TMEM132C: variants seen among roughly 807,000 people sequenced by gnomAD.
TMEM132C encodes protein phosphatase 1, regulatory subunit 152.
TMEM132C carries 29 observed loss-of-function variants against 61.4 expected under a neutral mutation model. That is an observed-to-expected ratio of 0.47 (90% confidence interval 0.35 to 0.64). The LOEUF (loss-of-function observed/expected upper bound fraction) is 0.64. TMEM132C is among the 30% of genes least tolerant of loss of function. The pLI, the probability that TMEM132C is intolerant of heterozygous loss-of-function variation, is 0.00. For synonymous variants in TMEM132C, 656 were observed against 633.1 expected, an observed-to-expected ratio of 1.04 and a Z score of -0.54; for missense variants, 1,408 against 1,476.9, an observed-to-expected ratio of 0.95 and a Z score of 0.76.
At chr12:128,396,023 C>T (rs1047189628) in intron 1 of TMEM132C, among the ~76,000 whole-genome samples, 1 of 152,102 alleles carries the variant, frequency 6.6e-6, no homozygotes, top group Non-Finnish European at 1.5e-5. Flanking sequence ...AGGCATGAAG[C>T]CCTTTAGTAG....
chr12:128,663,501 G>A (rs1954414780), intron 4 of TMEM132C, among the ~76,000 whole-genome samples: 1 of 152,150 alleles, frequency 6.6e-6, no homozygotes, highest in Admixed American at 6.5e-5. Context: ...AACCCTTGGG[G>A]GATATTCGAG....
intron 8 of TMEM132C, 112 bp from the exon 9 acceptor site, chr12:128,704,977 TG>T: frequency 8.4e-7 from 1 of 1,183,996 alleles, no homozygotes. Context: ...CATGAGCTAC[TG>T]GGTCTGGATT....
intron 3 of TMEM132C, among the ~76,000 whole-genome samples, chr12:128,577,664 T>C (rs548325868): frequency 6.6e-6 from 1 of 152,374 alleles, no homozygotes; most frequent in East Asian, 1.9e-4. Flanking sequence ...AGCTCTCCGC[T>C]CCAGCCTTGC....
At chr12:128,407,598 G>A (rs536810392) in intron 1 of TMEM132C, among the ~76,000 whole-genome samples, 3 of 152,126 alleles carry the variant, frequency 2.0e-5, no homozygotes, top group Admixed American at 1.3e-4. Context: ...AGCTGGGATC[G>A]CACCGCTCGC....
chr12:128,306,071 A>G (rs1254153809), intron 1 of TMEM132C, among the ~76,000 whole-genome samples: 1 of 152,192 alleles, frequency 6.6e-6, no homozygotes, highest in Non-Finnish European at 1.5e-5. Flanking sequence ...CACCAATGAC[A>G]CTAGATTTTA....
intron 1 of TMEM132C, among the ~76,000 whole-genome samples, chr12:128,351,592 G>GGAGGC (rs1873339130): frequency 6.6e-6 from 1 of 152,142 alleles, no homozygotes; most frequent in African/African-American, 2.4e-5. Context: ...CTGGATCTGG[G>GGAGGC]GAGGCCCTCA....
intron 4 of TMEM132C, among the ~76,000 whole-genome samples, chr12:128,662,842 C>T (rs1409939680): frequency 1.3e-5 from 2 of 152,138 alleles, no homozygotes; most frequent in Non-Finnish European, 2.9e-5. Flanking sequence ...TTAGATTAAG[C>T]TCACCCTTTC....
chr12:128,500,484 A>G (rs928683922), intron 2 of TMEM132C, among the ~76,000 whole-genome samples: 2 of 152,200 alleles, frequency 1.3e-5, no homozygotes, highest in African/African-American at 4.8e-5. Flanking sequence ...AAGAATTATT[A>G]CATCTCAATG....
intron 2 of TMEM132C, among the ~76,000 whole-genome samples, chr12:128,494,412 A>C (rs1330130835): frequency 6.6e-6 from 1 of 152,230 alleles, no homozygotes; most frequent in East Asian, 1.9e-4. Flanking sequence ...GAATAGTTTC[A>C]GAAGGAATGG....
At chr12:128,296,488 A>C (rs969376892) in intron 1 of TMEM132C, among the ~76,000 whole-genome samples, 4 of 152,188 alleles carry the variant, frequency 2.6e-5, no homozygotes, top group African/African-American at 4.8e-5. Context: ...TTATGGCTAG[A>C]AGGAGTGGCC....
At chr12:128,478,385 A>C (rs898804823) in intron 2 of TMEM132C, among the ~76,000 whole-genome samples, 5 of 152,168 alleles carry the variant, frequency 3.3e-5, no homozygotes, top group African/African-American at 1.2e-4. Flanking sequence ...CCACCTCTTA[A>C]CATCAGGAGG....
intron 1 of TMEM132C, among the ~76,000 whole-genome samples, chr12:128,335,267 T>G (rs377520093): frequency 3.9e-5 from 6 of 152,208 alleles, no homozygotes; most frequent in East Asian, 3.9e-4. Flanking sequence ...AATATCTGAA[T>G]TTTTAGCTTT....
At position 128,705,116 on chromosome 12, in the gene TMEM132C, G is replaced by T. The variant is rs377019599; in HGVS notation, c.2148G>T (p.Gln716His). ...KQEAVFSTWL[Q>H]FSDGSVTPLD... ...AGGCTGTATTCAGCACGTGGCTGCA[G>T]TTCAGTGATGGCTCTGTGACGCCCC... Residue 716 changes from glutamine to histidine, a missense_variant, in exon 9 of 9, where the codon CAG (glutamine) becomes CAT (histidine). Transcript: ENST00000435159. 2 of 1,546,996 alleles carry T rather than the reference G, an allele frequency of 1.3e-6. No homozygotes were observed. The highest frequency in any genetic ancestry group is 2.7e-5 in the African/African-American group (2 of 72,958).
chr12:128,398,791 G>T lies in TMEM132C; in HGVS notation c.86-15941G>T, dbSNP rs568296723. Reference sequence around the variant, plus strand: ...GATATGCAGCACCCGGACCAACAGGGTGTTGAGTGATGGTTTTACTGTTGT... The same window carrying T: ...GATATGCAGCACCCGGACCAACAGGTTGTTGAGTGATGGTTTTACTGTTGT... On this transcript the variant is annotated intron_variant, in intron 1 of 8. Transcript: ENST00000435159. 2.0e-5 allele frequency among the ~76,000 whole-genome samples: 3 copies of T among 149,852 alleles called. No homozygotes were observed. The East Asian group carries it at 5.8e-4, about 29-fold the overall frequency.
chr12:128,547,518 C>T (rs35228169), intron 3 of TMEM132C, among the ~76,000 whole-genome samples: 59,293 of 147,882 alleles, frequency 0.4, 13,671 homozygotes, highest in Non-Finnish European at 0.51. Flanking sequence ...GAGCTCAGAT[C>T]GCACCACCAT....
intron 4 of TMEM132C, among the ~76,000 whole-genome samples, chr12:128,634,526 TA>T (rs961369469): frequency 5.3e-5 from 8 of 152,252 alleles, no homozygotes; most frequent in African/African-American, 1.9e-4. Flanking sequence ...GCCCCAACAC[TA>T]ACCCAAACAA....
At chr12:128,612,015 G>T (rs145644697) in intron 3 of TMEM132C, among the ~76,000 whole-genome samples, 1 of 152,210 alleles carries the variant, frequency 6.6e-6, no homozygotes, top group East Asian at 1.9e-4. Flanking sequence ...GAAGACAAAG[G>T]CTGTGTGGGG....
chr12:128,519,422 T>C (rs1872825900), intron 2 of TMEM132C, among the ~76,000 whole-genome samples: 1 of 152,260 alleles, frequency 6.6e-6, no homozygotes, highest in Non-Finnish European at 1.5e-5. Context: ...TGAAGGCTGC[T>C]GTGCTAGACA....
chr12:128,426,321 T>C (rs1348431344), intron 2 of TMEM132C, among the ~76,000 whole-genome samples: 1 of 152,222 alleles, frequency 6.6e-6, no homozygotes, highest in Non-Finnish European at 1.5e-5. Context: ...TCGAAGGCAT[T>C]GTCCACATAC....
Sources: gnomAD v4.1 joint callset for allele counts (sites outside exome capture counted in the v4.1 genomes callset) on GRCh38, gnomAD v4.1.1 for gene constraint, MANE v1.5 for transcripts, NCBI Gene and HGNC (gene_info 2026-07-23, HGNC 2026-07-21) for gene names.